Variants in TMOD3 observed in about 807,000 individuals in gnomAD.
The protein encoded by TMOD3 is tropomodulin 3.
TMOD3 carries 20 observed loss-of-function variants against 39.2 expected under a neutral mutation model. The ratio of observed to expected loss-of-function variants is 0.51; its 90% CI spans 0.36 to 0.74. TMOD3 has a LOEUF of 0.74. Among genes scored for constraint, TMOD3 ranks in the 30% least tolerant of loss-of-function variants. The probability of loss-of-function intolerance (pLI) is 0.00; values close to 1 mark genes in which losing one functional copy is unlikely to be tolerated. For missense variants in TMOD3, 381 were observed against 412.8 expected, an observed-to-expected ratio of 0.92 and a Z score of 0.67; for synonymous variants, 143 against 145.8, an observed-to-expected ratio of 0.98 and a Z score of 0.14.
At chr15:51,885,883 C>T (rs867812286) in intron 3 of TMOD3, among the ~76,000 whole-genome samples, 1 of 150,794 alleles carries the variant, frequency 6.6e-6, no homozygotes, top group Admixed American at 6.6e-5. Flanking sequence ...AGGCGCCCCC[C>T]ACCTCCCAGA....
intron 3 of TMOD3, among the ~76,000 whole-genome samples, chr15:51,886,874 A>G (rs2056566994): frequency 2.0e-5 from 3 of 152,212 alleles, no homozygotes; most frequent in Admixed American, 1.3e-4. Context: ...TTATAGAATC[A>G]TAATTGTCTC....
At chr15:51,832,201 A>AT (rs1447948057) in intron 1 of TMOD3, among the ~76,000 whole-genome samples, 2 of 109,494 alleles carry the variant, frequency 1.8e-5, no homozygotes, top group Non-Finnish European at 3.7e-5. Flanking sequence ...AAAGAAAAAA[A>AT]ATTATATATA....
In TMOD3 at chr15:51,909,449, T is replaced by G. The variant is rs1310530921; in HGVS notation, c.*639T>G. 6.6e-6 allele frequency: 1 copy of G among 152,626 alleles called. No homozygotes were observed. Among genetic ancestry groups the G allele is most frequent in the Non-Finnish European group, 1.5e-5 (1 of 68,026 alleles). The allele number at this position is 152,626 out of a possible 1,614,324, so 9.5% of individuals were successfully genotyped here. On this transcript the variant is annotated 3_prime_UTR_variant, in exon 10 of 10. Transcript: ENST00000308580. ...ACACCCAGGTCTTCTTAAAACAAAGTCATCAGCTTTGCCAGGTTACATACT... is the reference window on the plus strand; with the variant it reads ...ACACCCAGGTCTTCTTAAAACAAAGGCATCAGCTTTGCCAGGTTACATACT...
intron 7 of TMOD3, among the ~76,000 whole-genome samples, chr15:51,899,520 G>A (rs896335413): frequency 1.3e-5 from 2 of 151,744 alleles, no homozygotes; most frequent in African/African-American, 4.8e-5. Flanking sequence ...ACAAAAATTA[G>A]CCGGGCATGG....
At chr15:51,896,085 G>A (rs1433957421) in intron 6 of TMOD3, among the ~76,000 whole-genome samples, 1 of 152,104 alleles carries the variant, frequency 6.6e-6, no homozygotes, top group African/African-American at 2.4e-5. Flanking sequence ...TCCAACCTGG[G>A]CAACAAGAGC....
At chr15:51,900,935 T>C (rs1453394779) in intron 8 of TMOD3, 1 of 152,174 alleles carries the variant, frequency 6.6e-6, no homozygotes, top group African/African-American at 2.4e-5. Context: ...TTTGCAGCCA[T>C]TACCACTAAT....
At chr15:51,867,118 G>A in intron 2 of TMOD3, among the ~76,000 whole-genome samples, 1 of 152,172 alleles carries the variant, frequency 6.6e-6, no homozygotes, top group Non-Finnish European at 1.5e-5. Context: ...AATGGAGAGG[G>A]TGTGTGAGAT....
chr15:51,893,065 G>A (rs1187853338), intron 5 of TMOD3, among the ~76,000 whole-genome samples: 1 of 151,896 alleles, frequency 6.6e-6, no homozygotes, highest in African/African-American at 2.4e-5. Flanking sequence ...GGAGGCCAAG[G>A]CAGGCAGAGC....
At chr15:51,866,198 T>A (rs1442561491) in intron 2 of TMOD3, among the ~76,000 whole-genome samples, 1 of 152,150 alleles carries the variant, frequency 6.6e-6, no homozygotes, top group Non-Finnish European at 1.5e-5. Context: ...CTCACACCTG[T>A]AATCCTAGCA....
At chr15:51,849,599 T>A (rs2056351409) in intron 1 of TMOD3, among the ~76,000 whole-genome samples, 1 of 151,766 alleles carries the variant, frequency 6.6e-6, no homozygotes, top group Non-Finnish European at 1.5e-5. Context: ...CAAAGCCAAG[T>A]GAGGAAAGTG....
intron 6 of TMOD3, among the ~76,000 whole-genome samples, chr15:51,895,877 G>C (rs2056618256): frequency 6.6e-6 from 1 of 152,180 alleles, no homozygotes; most frequent in Non-Finnish European, 1.5e-5. Context: ...GGGAGGCCGA[G>C]GAGGGTGGAT....
chr15:51,862,920 C>G lies in TMOD3; in HGVS notation c.36C>G (p.Tyr12Ter), dbSNP rs780407038. The G allele has an allele frequency of 6.2e-7, 1 of 1,613,862 alleles. No individual in the cohort carries two copies. The highest frequency in any genetic ancestry group is 1.3e-5 in the African/African-American group (1 of 74,900). Residue 12 changes from tyrosine to a stop codon, truncating the protein, a stop_gained, in exon 2 of 10, where the codon TAC becomes TAG. Coordinates refer to ENST00000308580, the MANE Select transcript of TMOD3 (RefSeq NM_014547.5). LOFTEE classifies it high-confidence loss of function. ...CATTCCGTAAGGACTTAGAAAAGTA[C>G]AAAGACCTTGATGAAGATGAGCTCC... The part of the protein sequence containing the change: ...ALPFRKDLEK[Y>*]KDLDEDELLG...
chr15:51,901,811 T>C, intron 8 of TMOD3, 81 bp from the exon 9 acceptor site: 1 of 1,386,034 alleles, frequency 7.2e-7, no homozygotes, highest in Non-Finnish European at 9.9e-7. Flanking sequence ...AGAATTAGCA[T>C]GTGCCTGAAT....
chr15:51,829,857 T>C (rs1024041480), intron 1 of TMOD3, 21 bp downstream of exon 1: 5 of 152,200 alleles, frequency 3.3e-5, no homozygotes, highest in Non-Finnish European at 5.9e-5. Context: ...CCCGGTGCTT[T>C]CCAGGAAGTC....
intron 3 of TMOD3, among the ~76,000 whole-genome samples, chr15:51,876,393 C>G (rs2056503614): frequency 2.0e-5 from 3 of 151,392 alleles, no homozygotes; most frequent in African/African-American, 7.3e-5. Flanking sequence ...TGCTTGGCCT[C>G]AAGCAATCCT....
chr15:51,897,781 C>A (rs928789270), intron 7 of TMOD3, among the ~76,000 whole-genome samples: 268 of 110,770 alleles, frequency 2.4e-3, no homozygotes, highest in Admixed American at 3.1e-3. Flanking sequence ...CCACGCCCAG[C>A]AAAAAAAAAA....
intron 1 of TMOD3, among the ~76,000 whole-genome samples, chr15:51,844,854 A>G (rs1436641718): frequency 6.6e-6 from 1 of 152,218 alleles, no homozygotes. Flanking sequence ...ATTTATTAAT[A>G]CGGTCATACT....
chr15:51,839,163 CTCT>C (rs746311908), intron 1 of TMOD3, among the ~76,000 whole-genome samples: 2 of 109,784 alleles, frequency 1.8e-5, no homozygotes, highest in African/African-American at 6.2e-5. Context: ...AGGTGTATCT[CTCT>C]TTTTTTTTTT....
At chr15:51,853,790 T>TA (rs74342679) in intron 1 of TMOD3, among the ~76,000 whole-genome samples, 8,972 of 126,426 alleles carry the variant, frequency 0.071, 386 homozygotes, top group African/African-American at 0.13. Context: ...CACTGTCTCT[T>TA]AAAAAAAAAA....
Sources: gnomAD v4.1 joint callset for allele counts (sites outside exome capture counted in the v4.1 genomes callset) on GRCh38, gnomAD v4.1.1 for gene constraint, MANE v1.5 for transcripts, NCBI Gene and HGNC (gene_info 2026-07-23, HGNC 2026-07-21) for gene names.